CTNNA2: variants seen among roughly 807,000 people sequenced by gnomAD.
The protein encoded by CTNNA2 is catenin alpha-2.
A neutral mutation model predicts 101.0 loss-of-function variants in CTNNA2; 42 were observed. That is an observed-to-expected ratio of 0.42 (90% confidence interval 0.32 to 0.54). The LOEUF is 0.54. CTNNA2 is among the 20% of genes least tolerant of loss of function. The pLI, the probability that CTNNA2 is intolerant of heterozygous loss-of-function variation, is 0.14. For missense variants in CTNNA2, 871 were observed against 1,223.1 expected (o/e 0.71, Z 4.29); for synonymous variants, 450 against 456.4 (o/e 0.99, Z 0.18).
intron 7 of CTNNA2, among the ~76,000 whole-genome samples, chr2:80,149,087 G>T (rs1242918022): frequency 6.7e-6 from 1 of 149,846 alleles, no homozygotes; most frequent in Admixed American, 6.7e-5. Flanking sequence ...GAGTGCAGTG[G>T]CGTGATTTGA....
At chr2:80,502,004 G>A (rs1008212796) in intron 9 of CTNNA2, among the ~76,000 whole-genome samples, 2 of 152,122 alleles carry the variant, frequency 1.3e-5, no homozygotes, top group African/African-American at 4.8e-5. Flanking sequence ...ACTCTATTCT[G>A]GGGTCCTTTG....
chr2:80,274,199 G>A (rs1186566470), intron 7 of CTNNA2, among the ~76,000 whole-genome samples: 1 of 152,142 alleles, frequency 6.6e-6, no homozygotes, highest in Non-Finnish European at 1.5e-5. Flanking sequence ...CGAGACAATA[G>A]GGAACAGTTG....
chr2:80,142,730 G>A (rs1005191804), intron 7 of CTNNA2, among the ~76,000 whole-genome samples: 2 of 152,114 alleles, frequency 1.3e-5, no homozygotes, highest in African/African-American at 4.8e-5. Flanking sequence ...CAAAGCCATG[G>A]TTTTTAGTTT....
At chr2:79,623,779 A>G (rs2104304855) in intron 1 of CTNNA2, among the ~76,000 whole-genome samples, 1 of 152,308 alleles carries the variant, frequency 6.6e-6, no homozygotes, top group South Asian at 2.1e-4. Context: ...TTGTAAATGG[A>G]AGAAAAAGAA....
intron 4 of CTNNA2, among the ~76,000 whole-genome samples, chr2:79,385,801 G>A (rs1454665074): frequency 6.6e-6 from 1 of 152,096 alleles, no homozygotes; most frequent in Non-Finnish European, 1.5e-5. Flanking sequence ...TTCTGTGCCT[G>A]TGTTAGTTTG....
intron 7 of CTNNA2, among the ~76,000 whole-genome samples, chr2:80,161,372 T>C (rs1406988852): frequency 6.6e-6 from 1 of 152,122 alleles, no homozygotes; most frequent in Admixed American, 6.5e-5. Flanking sequence ...AAAGGAACAG[T>C]ACGAACGCTG....
chr2:80,082,056 A>C (rs1699187501), intron 7 of CTNNA2, among the ~76,000 whole-genome samples: 1 of 152,154 alleles, frequency 6.6e-6, no homozygotes, highest in Admixed American at 6.5e-5. Context: ...TGTAGGAATT[A>C]AAGGGTGTCT....
At chr2:80,193,876 T>G (rs939345992) in intron 7 of CTNNA2, among the ~76,000 whole-genome samples, 1 of 152,184 alleles carries the variant, frequency 6.6e-6, no homozygotes, top group Admixed American at 6.5e-5. Flanking sequence ...GATCTGAATG[T>G]TTTCATTCTG....
chr2:80,630,397 G>C (rs1672153046), intron 18 of CTNNA2, among the ~76,000 whole-genome samples: 1 of 152,042 alleles, frequency 6.6e-6, no homozygotes, highest in Non-Finnish European at 1.5e-5. Flanking sequence ...CCAGCACTTT[G>C]GGAGGCCGAG....
chr2:80,310,476 G>A (rs931028128), intron 7 of CTNNA2, among the ~76,000 whole-genome samples: 1 of 152,182 alleles, frequency 6.6e-6, no homozygotes, highest in Admixed American at 6.5e-5. Context: ...AAGGCAGGCA[G>A]AGTTGCATGG....
intron 7 of CTNNA2, among the ~76,000 whole-genome samples, chr2:80,174,911 A>T (rs957268099): frequency 2.0e-5 from 3 of 151,900 alleles, no homozygotes; most frequent in African/African-American, 7.3e-5. Flanking sequence ...TTTATTAGCA[A>T]CCCCTCTGGC....
chr2:80,601,808 T>A (rs957216518), intron 15 of CTNNA2: 13 of 152,112 alleles, frequency 8.5e-5, no homozygotes, highest in African/African-American at 3.1e-4. Context: ...TCCAACCTCT[T>A]CTTTCTGAAT....
chr2:79,449,534 T>C (rs977380122), intron 4 of CTNNA2, among the ~76,000 whole-genome samples: 7 of 152,034 alleles, frequency 4.6e-5, no homozygotes, highest in African/African-American at 1.4e-4. Flanking sequence ...TATTGGCACA[T>C]AGAAAGGTAA....
chr2:80,463,824 G>A (rs17019205), intron 9 of CTNNA2, among the ~76,000 whole-genome samples: 4,785 of 152,188 alleles, frequency 0.031, 238 homozygotes, highest in African/African-American at 0.1. Flanking sequence ...TAAATGGCTT[G>A]CCCCAAGGCA....
chr2:79,363,081 T>G (rs1278236695), intron 3 of CTNNA2, among the ~76,000 whole-genome samples: 1 of 152,232 alleles, frequency 6.6e-6, no homozygotes, highest in Non-Finnish European at 1.5e-5. Flanking sequence ...GTTAACTTAC[T>G]TCAGGCTTCT....
In CTNNA2 at chr2:80,067,040, A is replaced by G. The variant is rs142897759; in HGVS notation, c.1056+157243A>G. ...TATATGTGAAATCTAAAAAAATAGAACTCATAGAAGCAGAGAATAGAATGA... is the reference window on the plus strand; with the variant it reads ...TATATGTGAAATCTAAAAAAATAGAGCTCATAGAAGCAGAGAATAGAATGA... On this transcript the variant is annotated intron_variant, in intron 7 of 18. Coordinates refer to ENST00000402739, the MANE Select transcript of CTNNA2 (RefSeq NM_001282597.3). 8.0e-3 allele frequency among the ~76,000 whole-genome samples: 1,223 copies of G among 152,298 alleles called. 8 individuals are homozygous for G. The highest frequency in any genetic ancestry group is 0.031 in the Middle Eastern group (9 of 294).
chr2:79,586,128 C>T (rs1406213052), intron 1 of CTNNA2, among the ~76,000 whole-genome samples: 1 of 152,090 alleles, frequency 6.6e-6, no homozygotes, highest in Non-Finnish European at 1.5e-5. Flanking sequence ...GCATCCTGTA[C>T]TCCTCCTTTC....
At chr2:79,936,228 A>AT (rs763539444) in intron 7 of CTNNA2, among the ~76,000 whole-genome samples, 9 of 124,782 alleles carry the variant, frequency 7.2e-5, no homozygotes, top group African/African-American at 2.4e-4. Context: ...GTTTTTTTTT[A>AT]TTTTTTTTCT....
chr2:79,644,001 C>T (rs1388566645), intron 1 of CTNNA2, among the ~76,000 whole-genome samples: 2 of 152,108 alleles, frequency 1.3e-5, no homozygotes, highest in Non-Finnish European at 2.9e-5. Flanking sequence ...ATCATGTTCT[C>T]TTCCACCGAT....
Sources: allele counts gnomAD v4.1 joint callset (sites outside exome capture counted in the v4.1 genomes callset), GRCh38; gene constraint gnomAD v4.1.1; transcripts MANE v1.5; gene names NCBI Gene and HGNC (gene_info 2026-07-23, HGNC 2026-07-21).